Variants in CNTNAP2 observed in about 807,000 individuals in gnomAD.
CNTNAP2 encodes contactin-associated protein-like 2.
A neutral mutation model predicts 155.2 loss-of-function variants in CNTNAP2; 98 were observed. The ratio of observed to expected loss-of-function variants is 0.63; its 90% confidence interval spans 0.54 to 0.75. The LOEUF (loss-of-function observed/expected upper bound fraction) is 0.75. Ranked by LOEUF, CNTNAP2 falls within the 30% of genes least tolerant of loss-of-function variation. CNTNAP2 has a pLI of 0.00. For synonymous variants in CNTNAP2, 651 were observed against 631.2 expected, an observed-to-expected ratio of 1.03 and a Z score of -0.47; for missense variants, 1,727 against 1,688.1, an observed-to-expected ratio of 1.02 and a Z score of -0.40.
chr7:148,319,228 T>C (rs1585268651), intron 21 of CNTNAP2, among the ~76,000 whole-genome samples: 1 of 152,278 alleles, frequency 6.6e-6, no homozygotes, highest in African/African-American at 2.4e-5. Context: ...ATTAAGTACT[T>C]TTCCCTTTAT....
chr7:147,540,964 T>G (rs982515329), intron 11 of CNTNAP2, among the ~76,000 whole-genome samples: 5 of 152,230 alleles, frequency 3.3e-5, no homozygotes, highest in Non-Finnish European at 7.3e-5. Flanking sequence ...AGCAATTATA[T>G]TTAATGTAAT....
At chr7:146,940,211 TTTA>T (rs1563012446) in intron 3 of CNTNAP2, among the ~76,000 whole-genome samples, 1 of 152,096 alleles carries the variant, frequency 6.6e-6, no homozygotes. Context: ...TTATTATTTA[TTTA>T]TTTATTTTTT....
At chr7:146,721,791 C>CATAT (rs1291573523) in intron 1 of CNTNAP2, among the ~76,000 whole-genome samples, 6 of 87,504 alleles carry the variant, frequency 6.9e-5, no homozygotes, top group Non-Finnish European at 1.3e-4. Context: ...ATATAGTCTA[C>CATAT]ATATATAGAC....
chr7:148,323,368 T>G (rs1797835142), intron 21 of CNTNAP2, among the ~76,000 whole-genome samples: 1 of 147,936 alleles, frequency 6.8e-6, no homozygotes. Flanking sequence ...ACTTAAAGTT[T>G]TAGGATTTCT....
rs576816193 is a variant in CNTNAP2, at chr7:148,317,783, C to T, written c.3475+50657C>T. ...TGGTGCGATCTCGGCTCACTGCAAG[C>T]TCCGCCTCCCGGGTTCATGCCATTG... On this transcript the variant is annotated intron_variant, in intron 21 of 23. Transcript: ENST00000361727. 5.3e-5 allele frequency among the ~76,000 whole-genome samples: 8 copies of T among 151,958 alleles called. 2 individuals are homozygous for T. In the South Asian group the frequency reaches 1.7e-3, roughly 32 times the overall value.
At chr7:147,935,422 G>A (rs1046695800) in intron 14 of CNTNAP2, among the ~76,000 whole-genome samples, 1 of 152,164 alleles carries the variant, frequency 6.6e-6, no homozygotes, top group Non-Finnish European at 1.5e-5. Context: ...ACTGCGCCCA[G>A]CCGAGTAAAT....
At chr7:147,567,760 CAA>C (rs1800201258) in intron 12 of CNTNAP2, among the ~76,000 whole-genome samples, 4 of 152,190 alleles carry the variant, frequency 2.6e-5, no homozygotes, top group Admixed American at 2.6e-4. Context: ...AGATGCTACG[CAA>C]AGTCACTGTA....
intron 1 of CNTNAP2, among the ~76,000 whole-genome samples, chr7:146,600,785 C>A (rs1798939369): frequency 1.3e-5 from 2 of 152,136 alleles, no homozygotes; most frequent in African/African-American, 4.8e-5. Flanking sequence ...TTTCCAAAAC[C>A]TAGCTTAGTA....
intron 10 of CNTNAP2, among the ~76,000 whole-genome samples, chr7:147,415,366 T>C (rs1487356850): frequency 6.6e-6 from 1 of 152,198 alleles, no homozygotes; most frequent in East Asian, 1.9e-4. Context: ...TGAATTGTCA[T>C]CCCCATAATC....
chr7:147,510,529 G>C (rs1405054055), intron 11 of CNTNAP2, among the ~76,000 whole-genome samples: 6 of 150,626 alleles, frequency 4.0e-5, no homozygotes, highest in Non-Finnish European at 7.4e-5. Flanking sequence ...AGATTCTTTG[G>C]TTTTTACATT....
intron 13 of CNTNAP2, among the ~76,000 whole-genome samples, chr7:147,899,067 T>A (rs1799818511): frequency 6.8e-6 from 1 of 146,932 alleles, no homozygotes; most frequent in East Asian, 2.0e-4. Context: ...CAGCTGAATG[T>A]GGTCACTCAG....
intron 1 of CNTNAP2, among the ~76,000 whole-genome samples, chr7:146,215,754 C>G (rs1351061067): frequency 6.6e-6 from 1 of 152,108 alleles, no homozygotes; most frequent in African/African-American, 2.4e-5. Flanking sequence ...ATCTAGGCCT[C>G]ACTTTATAAA....
intron 14 of CNTNAP2, among the ~76,000 whole-genome samples, chr7:147,910,648 G>A (rs1345074514): frequency 3.3e-5 from 5 of 152,130 alleles, no homozygotes; most frequent in Admixed American, 2.0e-4. Flanking sequence ...AGAAGGCAGA[G>A]GGAAAAGTAA....
rs1797270792 is a variant in CNTNAP2 at position 147,420,399 on chromosome 7, G to C, written c.1670+24619G>C. Among the ~76,000 whole-genome samples the C allele has an allele frequency of 2.0e-5, 3 of 152,194 alleles. No homozygotes were observed. In the South Asian group the frequency reaches 6.2e-4, roughly 32 times the overall value. On this transcript the variant is annotated intron_variant, in intron 10 of 23. Transcript: ENST00000361727. ...TATTTTCATTAAATATTGCAGTGCT[G>C]TCATGAGGAATGAAACAGAAGAGCA... is the stretch of plus-strand genomic sequence containing the variant.
chr7:146,922,380 A>G (rs1796519968), intron 3 of CNTNAP2, among the ~76,000 whole-genome samples: 1 of 152,094 alleles, frequency 6.6e-6, no homozygotes, highest in Admixed American at 6.6e-5. Flanking sequence ...AAGCCTTTCC[A>G]GTTAATTGAC....
chr7:147,821,768 C>T (rs777861238), intron 13 of CNTNAP2, among the ~76,000 whole-genome samples: 5 of 152,090 alleles, frequency 3.3e-5, no homozygotes, highest in Non-Finnish European at 5.9e-5. Flanking sequence ...AATAAAATTG[C>T]GGCGACAGGT....
chr7:146,721,345 ATATATACATTC>A (rs1156436264), intron 1 of CNTNAP2, among the ~76,000 whole-genome samples: 19 of 129,018 alleles, frequency 1.5e-4, no homozygotes, highest in African/African-American at 2.4e-4. Context: ...TATACATTCT[ATATATACATTC>A]TATATACATT....
At chr7:146,606,195 G>A (rs931024918) in intron 1 of CNTNAP2, among the ~76,000 whole-genome samples, 12 of 152,066 alleles carry the variant, frequency 7.9e-5, no homozygotes, top group African/African-American at 2.9e-4. Flanking sequence ...GTGAATGAGT[G>A]TGATATCAGA....
chr7:147,816,719 A>G (rs530851123), intron 13 of CNTNAP2, among the ~76,000 whole-genome samples: 1 of 151,374 alleles, frequency 6.6e-6, no homozygotes, highest in African/African-American at 2.4e-5. Context: ...CAAAATAATC[A>G]CTTGATGATG....
Sources: allele counts gnomAD v4.1 joint callset (sites outside exome capture counted in the v4.1 genomes callset), GRCh38; gene constraint gnomAD v4.1.1; transcripts MANE v1.5; gene names NCBI Gene and HGNC (gene_info 2026-07-23, HGNC 2026-07-21).